Variants in ZHX3 observed in about 807,000 individuals in gnomAD.
ZHX3 encodes the protein zinc fingers and homeoboxes 3.
ZHX3 carries 20 observed loss-of-function variants against 64.5 expected under a neutral mutation model. The ratio of observed to expected loss-of-function variants is 0.31; its 90% CI spans 0.22 to 0.45. The LOEUF (loss-of-function observed/expected upper bound fraction) is 0.45, where lower values mean the gene tolerates loss of function less well. ZHX3 is among the 20% of genes least tolerant of loss of function. The probability of loss-of-function intolerance (pLI) is 1.00; values close to 1 mark genes in which losing one functional copy is unlikely to be tolerated. For missense variants in ZHX3, 1,041 were observed against 1,195.8 expected, an observed-to-expected ratio of 0.87 and a Z score of 1.91; for synonymous variants, 423 against 461.6, an observed-to-expected ratio of 0.92 and a Z score of 1.07.
At chr20:41,234,885 C>G (rs139399373) in intron 2 of ZHX3, among the ~76,000 whole-genome samples, 2 of 152,210 alleles carry the variant, frequency 1.3e-5, no homozygotes, top group Non-Finnish European at 2.9e-5. Flanking sequence ...TCACTGCTGA[C>G]ATGAAATACA....
chr20:41,256,980 T>G (rs922057425), intron 2 of ZHX3, among the ~76,000 whole-genome samples: 36 of 152,114 alleles, frequency 2.4e-4, no homozygotes, highest in African/African-American at 8.7e-4. Context: ...ACTCTATATG[T>G]CCATCTGTAC....
At chr20:41,266,140 C>T (rs189549435) in intron 2 of ZHX3, among the ~76,000 whole-genome samples, 2 of 152,138 alleles carry the variant, frequency 1.3e-5, no homozygotes, top group Non-Finnish European at 2.9e-5. Flanking sequence ...ATTGCTGAGT[C>T]AGATGGTATG....
intron 1 of ZHX3, among the ~76,000 whole-genome samples, chr20:41,284,993 G>A (rs1445932122): frequency 6.6e-6 from 1 of 151,890 alleles, no homozygotes; most frequent in Non-Finnish European, 1.5e-5. Flanking sequence ...CCTTGACTTC[G>A]TACACTCTTA....
Position 41,204,038 on chromosome 20 carries a change from G to C in ZHX3, c.879C>G (p.Ala293=). Residue 293 remains alanine (A), a synonymous_variant, in exon 3 of 4, where the codon GCC becomes GCG. Coordinates refer to ENST00000683867, the MANE Select transcript of ZHX3 (RefSeq NM_001384317.1). The surrounding 1 kb of genome is among the most constrained non-coding windows in gnomAD (Gnocchi z 6.6). Reference sequence around the variant, plus strand: ...GGATCATCACTTTGGGAAGGGCCTTGGCCGTGGGCAGTGGCTGGTGGACAT... The same window carrying C: ...GGATCATCACTTTGGGAAGGGCCTTCGCCGTGGGCAGTGGCTGGTGGACAT... ...QHHVHQPLPT[A]KALPKVMIPL... 1 of 1,614,036 alleles carries C rather than the reference G, an allele frequency of 6.2e-7. No individual in the cohort carries two copies. The highest frequency in any genetic ancestry group is 1.1e-5 in the South Asian group (1 of 91,066).
chr20:41,197,107 C>T (rs1214572002), intron 3 of ZHX3: 1 of 219,402 alleles, frequency 4.6e-6, no homozygotes, highest in East Asian at 1.1e-4. Context: ...GTATGTTCAA[C>T]TGGCTCCTGA....
In ZHX3 at chr20:41,241,684, C is replaced by T. The variant is rs990111016; in HGVS notation, c.-151+27306G>A. Among the ~76,000 whole-genome samples the T allele has an allele frequency of 2.6e-5, 4 of 152,118 alleles. No homozygotes were observed. In the East Asian group the frequency reaches 5.8e-4, roughly 22 times the overall value. ...TAATTTGAAGTTAGGTAATGTGATTCTTCCAGTTTTGTTCTTTTTGCTCTG... is the reference window on the plus strand; with the variant it reads ...TAATTTGAAGTTAGGTAATGTGATTTTTCCAGTTTTGTTCTTTTTGCTCTG... On this transcript the variant is annotated intron_variant, in intron 2 of 3. Coordinates refer to ENST00000683867, the MANE Select transcript of ZHX3 (RefSeq NM_001384317.1).
intron 1 of ZHX3, among the ~76,000 whole-genome samples, chr20:41,312,311 CAAAT>C (rs1254396542): frequency 2.0e-5 from 3 of 152,086 alleles, no homozygotes; most frequent in African/African-American, 7.2e-5. Context: ...TGGACAGGGA[CAAAT>C]AAGGGAATAA....
chr20:41,303,067 G>C (rs2044871714), intron 1 of ZHX3, among the ~76,000 whole-genome samples: 1 of 152,198 alleles, frequency 6.6e-6, no homozygotes, highest in African/African-American at 2.4e-5. Flanking sequence ...TTTCTCATTT[G>C]ACACACTTTC....
chr20:41,277,882 C>T lies in ZHX3; in HGVS notation c.-244-8799G>A, dbSNP rs191963711. On this transcript the variant is annotated intron_variant, in intron 1 of 3. Transcript: ENST00000683867. The stretch of plus-strand genomic sequence containing the variant: ...CTGAGATTACAGGCGTGAGCCACCA[C>T]GCCCGGCCCCCTCCATGTCAAATAT... Among the ~76,000 whole-genome samples the T allele has an allele frequency of 6.3e-4, 87 of 138,820 alleles. 10 individuals carry two copies. The highest frequency in any genetic ancestry group is 2.2e-3 in the African/African-American group (82 of 36,948). The allele number at this position is 138,820 out of a possible 152,430, so 91.1% of individuals were successfully genotyped here. A position where few individuals can be genotyped will look rare whatever the true frequency, so the allele number is the denominator to read the frequency against.
Position 41,203,021 on chromosome 20 carries a change from T to C in ZHX3, c.1896A>G (p.Ala632=). 2 of 1,614,208 alleles carry C rather than the reference T, an allele frequency of 1.2e-6. No individual in the cohort carries two copies. The highest frequency in any genetic ancestry group is 1.7e-6 in the Non-Finnish European group (2 of 1,180,034). The change falls in exon 3 of 4, where the codon GCA becomes GCG. Residue 632 remains alanine, a synonymous_variant. Transcript: ENST00000683867. This position sits in a 1 kb window ranked among gnomAD's most constrained non-coding sequence, Gnocchi z 7.1. ...EQLRALESSF[A]QNPLPLDEEL... ...CCTCATCAAGAGGAAGAGGGTTTTG[T>C]GCAAAACTGCTCTCCAGGGCTCTGA...
intron 2 of ZHX3, among the ~76,000 whole-genome samples, chr20:41,264,821 T>C (rs566574487): frequency 3.9e-5 from 6 of 152,104 alleles, no homozygotes; most frequent in Non-Finnish European, 8.8e-5. Context: ...TAGAAACAGA[T>C]TTTTAAAATT....
At position 41,204,175 on chromosome 20, in the gene ZHX3, T is replaced by C; in HGVS notation, c.742A>G (p.Lys248Glu). 2 of 1,609,158 alleles carry C rather than the reference T, an allele frequency of 1.2e-6. No homozygotes were observed. Among genetic ancestry groups the C allele is most frequent in the African/African-American group, 1.3e-5 (1 of 74,882 alleles). ...PVSQASASSAKNPHAANGPLI... is the reference protein window; with the variant it reads ...PVSQASASSAENPHAANGPLI... ...GGCCCGTTGGCGGCATGGGGGTTTT[T>C]TGCAGAGCTGGCAGATGCCTGGCTG... The change falls in exon 3 of 4, where the codon AAA becomes GAA. Residue 248 changes from lysine to glutamate, a missense_variant. By Grantham distance (56) the Lys-to-Glu change is moderately conservative (BLOSUM62 1). Around this residue, in one of 4 missense-constraint regions of ZHX3, gnomAD observed 358 missense variants for 369.1 expected, o/e 0.97. Coordinates refer to ENST00000683867, the MANE Select transcript of ZHX3 (RefSeq NM_001384317.1). The surrounding 1 kb of genome is among the most constrained non-coding windows in gnomAD (Gnocchi z 6.6).
intron 2 of ZHX3, among the ~76,000 whole-genome samples, chr20:41,233,697 A>G (rs1202399197): frequency 2.6e-5 from 4 of 152,230 alleles, no homozygotes; most frequent in African/African-American, 9.6e-5. Flanking sequence ...ACAGAGGAAA[A>G]AGGCAATGGA....
intron 1 of ZHX3, chr20:41,317,157 C>T (rs1295529453): frequency 2.0e-5 from 3 of 151,344 alleles, no homozygotes; most frequent in Admixed American, 6.6e-5. Context: ...CCCCGCTTCC[C>T]CTCTACCACC....
intron 2 of ZHX3, among the ~76,000 whole-genome samples, chr20:41,256,054 A>G (rs2042234300): frequency 6.6e-6 from 1 of 152,210 alleles, no homozygotes; most frequent in African/African-American, 2.4e-5. Context: ...TAATGAAAAC[A>G]TTTTTCAACA....
rs2036358987 is a variant in ZHX3 at position 41,184,437 on chromosome 20, C to T, written c.*754G>A. ...AAAGTTATGGTCCATGATTCAAACT[C>T]CCATGAAAAAGCAGAATTACGGTAA... On this transcript the variant is annotated 3_prime_UTR_variant, in exon 4 of 4. Transcript: ENST00000683867. 6.4e-6 allele frequency: 1 copy of T among 156,064 alleles called. No individual in the cohort carries two copies. Among genetic ancestry groups the T allele is most frequent in the Admixed American group, 6.3e-5 (1 of 15,916 alleles). The allele number at this position is 156,064 out of a possible 1,614,324, so 9.7% of individuals were successfully genotyped here. A position where few individuals can be genotyped will look rare whatever the true frequency, so the allele number is the denominator to read the frequency against.
chr20:41,217,620 G>A (rs1031189198), intron 2 of ZHX3, among the ~76,000 whole-genome samples: 1 of 152,138 alleles, frequency 6.6e-6, no homozygotes, highest in Non-Finnish European at 1.5e-5. Context: ...TTGGCTTGCT[G>A]GGAAGTTTCC....
intron 1 of ZHX3, among the ~76,000 whole-genome samples, chr20:41,303,804 C>T (rs1309744432): frequency 1.3e-5 from 2 of 152,154 alleles, no homozygotes; most frequent in East Asian, 3.9e-4. Context: ...CCCTCTCATC[C>T]TAAAATCACC....
At chr20:41,285,440 G>A (rs1393310472) in intron 1 of ZHX3, among the ~76,000 whole-genome samples, 6 of 152,266 alleles carry the variant, frequency 3.9e-5, no homozygotes, top group Middle Eastern at 6.8e-3. Context: ...TGTGGCCTTC[G>A]ACATGTCAGT....
Sources: allele counts gnomAD v4.1 joint callset (sites outside exome capture counted in the v4.1 genomes callset), GRCh38; gene constraint gnomAD v4.1.1; regional missense constraint gnomAD v4.1.1; non-coding constraint Gnocchi (gnomAD v3.1); transcripts MANE v1.5; gene names NCBI Gene and HGNC (gene_info 2026-07-23, HGNC 2026-07-21).